The following PLD5 variants were observed in gnomAD, a reference collection of about 807,000 sequenced individuals.
PLD5 encodes phospholipase D family member 5.
Under a neutral mutation model 61.1 loss-of-function variants are expected in PLD5, and 36 were observed. The observed-to-expected ratio is 0.59, with a 90% CI of 0.45 to 0.78. The LOEUF is 0.78. Among genes scored for constraint, PLD5 ranks in the 30% least tolerant of loss-of-function variants. The probability of loss-of-function intolerance (pLI) is 0.00; values close to 1 mark genes in which losing one functional copy is unlikely to be tolerated. For missense variants in PLD5, 515 were observed against 644.4 expected (o/e 0.80, Z 2.17); for synonymous variants, 243 against 242.8 (o/e 1.00, Z -0.01).
At chr1:242,211,071 C>T (rs1165413527) in intron 5 of PLD5, among the ~76,000 whole-genome samples, 1 of 152,160 alleles carries the variant, frequency 6.6e-6, no homozygotes, top group African/African-American at 2.4e-5. Flanking sequence ...AGAGAAGCTG[C>T]AGTAGTTATC....
intron 1 of PLD5, among the ~76,000 whole-genome samples, chr1:242,360,714 A>G (rs1368486927): frequency 6.6e-6 from 1 of 152,152 alleles, no homozygotes; most frequent in Non-Finnish European, 1.5e-5. Flanking sequence ...AAATTTTTGC[A>G]TAATATTCTA....
At chr1:242,121,839 G>A (rs996724415) in intron 6 of PLD5, among the ~76,000 whole-genome samples, 6 of 151,210 alleles carry the variant, frequency 4.0e-5, no homozygotes, top group African/African-American at 1.5e-4. Context: ...ACTATCGCAA[G>A]GACAGAAAAC....
intron 1 of PLD5, among the ~76,000 whole-genome samples, chr1:242,420,901 G>A (rs1007789982): frequency 5.9e-5 from 9 of 152,074 alleles, no homozygotes; most frequent in African/African-American, 1.7e-4. Context: ...GTGGTTGGCC[G>A]GGCGCAGTGG....
intron 9 of PLD5, among the ~76,000 whole-genome samples, chr1:242,091,399 T>C (rs747862619): frequency 7.2e-5 from 11 of 152,192 alleles, no homozygotes; most frequent in Non-Finnish European, 1.3e-4. Flanking sequence ...GCTAGAGTAA[T>C]GCCATTTTCA....
At chr1:242,414,659 A>T (rs973734237) in intron 1 of PLD5, among the ~76,000 whole-genome samples, 6 of 152,242 alleles carry the variant, frequency 3.9e-5, no homozygotes, top group Admixed American at 1.3e-4. Flanking sequence ...ACTCGGATGT[A>T]AATAAATTAA....
intron 5 of PLD5, among the ~76,000 whole-genome samples, chr1:242,152,819 G>A (rs892090534): frequency 1.3e-5 from 2 of 152,074 alleles, no homozygotes; most frequent in East Asian, 1.9e-4. Flanking sequence ...ATAAACATAC[G>A]TGTGCATGTG....
chr1:242,377,329 T>G, intron 1 of PLD5: 1 of 1,606,916 alleles, frequency 6.2e-7, no homozygotes, highest in South Asian at 1.1e-5. Context: ...TCATTGATTT[T>G]CAGCTTTTTC....
intron 4 of PLD5, among the ~76,000 whole-genome samples, chr1:242,248,352 A>T (rs556811127): frequency 1.3e-5 from 2 of 152,182 alleles, no homozygotes; most frequent in Admixed American, 1.3e-4. Flanking sequence ...TATAACCCAC[A>T]TCCTATAGCT....
At chr1:242,493,033 A>C (rs1384963072) in intron 1 of PLD5, among the ~76,000 whole-genome samples, 2 of 152,204 alleles carry the variant, frequency 1.3e-5, no homozygotes, top group African/African-American at 4.8e-5. Context: ...ACTGCAAAAG[A>C]AAAAAGCAAG....
At chr1:242,317,057 G>C (rs1236463886) in intron 2 of PLD5, among the ~76,000 whole-genome samples, 1 of 151,386 alleles carries the variant, frequency 6.6e-6, no homozygotes, top group Admixed American at 6.6e-5. Context: ...ACCCAGTCTG[G>C]AGTGCAATGA....
At chr1:242,174,344 A>G (rs1033059353) in intron 5 of PLD5, among the ~76,000 whole-genome samples, 4 of 152,244 alleles carry the variant, frequency 2.6e-5, no homozygotes, top group African/African-American at 9.6e-5. Context: ...CAAAACCACA[A>G]TGGGATACCA....
chr1:242,177,648 T>A (rs1384361206), intron 5 of PLD5: 5 of 152,158 alleles, frequency 3.3e-5, no homozygotes, highest in Non-Finnish European at 7.3e-5. Context: ...ACCTAATTGT[T>A]TTTTGCTTTT....
At chr1:242,376,842 T>C (rs1169612702) in intron 1 of PLD5, 6 of 1,415,084 alleles carry the variant, frequency 4.2e-6, no homozygotes, top group Non-Finnish European at 5.7e-6. Context: ...AATTCTATTA[T>C]CCCACTGCAA....
intron 5 of PLD5, among the ~76,000 whole-genome samples, chr1:242,160,719 T>G (rs1665753869): frequency 6.6e-6 from 1 of 151,914 alleles, no homozygotes; most frequent in African/African-American, 2.4e-5. Context: ...ACACCACCTC[T>G]ACTAAAAATA....
chr1:242,437,978 C>T (rs1666082499), intron 1 of PLD5, among the ~76,000 whole-genome samples: 1 of 152,106 alleles, frequency 6.6e-6, no homozygotes, highest in Admixed American at 6.6e-5. Flanking sequence ...TTACCTCTTC[C>T]TTTCATTTTA....
At chr1:242,285,193 T>C (rs1203406567) in intron 3 of PLD5, among the ~76,000 whole-genome samples, 2 of 152,230 alleles carry the variant, frequency 1.3e-5, no homozygotes, top group Non-Finnish European at 2.9e-5. Flanking sequence ...AGTGTTATCA[T>C]CTTTCTACAT....
At position 242,085,756 on chromosome 1, in the gene PLD5, T is replaced by A. The variant is rs192588852; in HGVS notation, c.*4098A>T. ...AGTTTGAATAAACAATAACAAAGTA[T>A]CTTTCATTATAGGAAGTGGCTGTTC... is the stretch of plus-strand genomic sequence containing the variant. On this transcript the variant is annotated 3_prime_UTR_variant, in exon 10 of 10. Transcript: ENST00000536534. 5 of 152,336 alleles carry A rather than the reference T, an allele frequency of 3.3e-5. No homozygotes were observed. Among genetic ancestry groups the A allele is most frequent in the African/African-American group, 1.2e-4 (5 of 41,578 alleles). The allele number at this position is 152,336 out of a possible 1,614,324, so 9.4% of individuals were successfully genotyped here. A position where few individuals can be genotyped will look rare whatever the true frequency, so the allele number is the denominator to read the frequency against.
intron 1 of PLD5, among the ~76,000 whole-genome samples, chr1:242,352,044 T>C (rs1322422218): frequency 1.3e-5 from 2 of 152,198 alleles, no homozygotes; most frequent in Non-Finnish European, 2.9e-5. Flanking sequence ...CCTTAAATAT[T>C]TGACATTTTC....
intron 1 of PLD5, among the ~76,000 whole-genome samples, chr1:242,502,464 A>G (rs991104120): frequency 1.3e-5 from 2 of 152,214 alleles, no homozygotes; most frequent in Admixed American, 6.5e-5. Flanking sequence ...TCACCTATCT[A>G]TTCTGATTAA....
Sources: gnomAD v4.1 joint callset for allele counts (sites outside exome capture counted in the v4.1 genomes callset) on GRCh38, gnomAD v4.1.1 for gene constraint, MANE v1.5 for transcripts, NCBI Gene and HGNC (gene_info 2026-07-23, HGNC 2026-07-21) for gene names.